SLC35F4: variants seen among roughly 807,000 people sequenced by gnomAD.
The protein encoded by SLC35F4 is chromosome 14 open reading frame 36.
Under a neutral mutation model 44.2 loss-of-function variants are expected in SLC35F4, and 24 were observed. The observed-to-expected ratio is 0.54, with a 90% CI of 0.39 to 0.76. The LOEUF is 0.76. SLC35F4 is among the 30% of genes least tolerant of loss of function. The probability of loss-of-function intolerance (pLI) is 0.00; values close to 1 mark genes in which losing one functional copy is unlikely to be tolerated. For missense variants in SLC35F4, 562 were observed against 586.1 expected (o/e 0.96, Z 0.42); for synonymous variants, 238 against 223.6 (o/e 1.06, Z -0.57).
chr14:57,600,159 TTGA>T (rs1369561508), intron 1 of SLC35F4, among the ~76,000 whole-genome samples: 1 of 152,214 alleles, frequency 6.6e-6, no homozygotes, highest in East Asian at 1.9e-4. Flanking sequence ...TTATGATTGA[TTGA>T]TAATTCTTCC....
At chr14:57,775,271 C>G (rs942606110) in intron 1 of SLC35F4, among the ~76,000 whole-genome samples, 10 of 152,216 alleles carry the variant, frequency 6.6e-5, no homozygotes, top group Non-Finnish European at 1.3e-4. Context: ...CCACTAGCAC[C>G]CTGCTGCAGC....
intron 1 of SLC35F4, among the ~76,000 whole-genome samples, chr14:57,936,713 A>G (rs1566504975): frequency 7.2e-6 from 1 of 138,198 alleles, no homozygotes; most frequent in Non-Finnish European, 1.5e-5. Context: ...AGTCTGCACT[A>G]GACTCAGTAT....
chr14:57,844,280 A>AG (rs1885783699), intron 1 of SLC35F4, among the ~76,000 whole-genome samples: 1 of 152,202 alleles, frequency 6.6e-6, no homozygotes. Flanking sequence ...ATGAAGCATC[A>AG]GGGCAATCAC....
chr14:57,667,548 A>T (rs7156371), intron 1 of SLC35F4, among the ~76,000 whole-genome samples: 93,724 of 146,420 alleles, frequency 0.64, 30,159 homozygotes, highest in African/African-American at 0.74. Context: ...CATGTTCTCA[A>T]TGTTCAATTC....
chr14:57,624,284 G>A (rs371931773), intron 1 of SLC35F4, among the ~76,000 whole-genome samples: 75 of 152,262 alleles, frequency 4.9e-4, no homozygotes, highest in African/African-American at 1.7e-3. Context: ...CCAATAACAA[G>A]TTCTGAAATT....
chr14:57,883,713 T>C lies in SLC35F4; in HGVS notation n.282+98200A>G, dbSNP rs550321619. Among the ~76,000 whole-genome samples, 222 of 152,320 alleles carry C rather than the reference T, an allele frequency of 1.5e-3. 1 individual carries two copies. The highest frequency in any genetic ancestry group is 0.014 in the Middle Eastern group (4 of 294). ...TGTCCTTGGGTGGGGCCTCATCATC[T>C]TGAATCTTCTCTGATAATTCTAATG... On this transcript the variant is annotated intron_variant and non_coding_transcript_variant, in intron 1 of 1. Coordinates refer to the SLC35F4 transcript ENST00000556568.
chr14:57,653,753 T>C (rs983813162), intron 1 of SLC35F4, among the ~76,000 whole-genome samples: 2 of 152,176 alleles, frequency 1.3e-5, no homozygotes, highest in African/African-American at 4.8e-5. Context: ...GGCCGCCTTA[T>C]CAGGGCTGGA....
intron 1 of SLC35F4, among the ~76,000 whole-genome samples, chr14:57,619,680 G>A (rs1487667616): frequency 9.2e-5 from 14 of 152,054 alleles, no homozygotes; most frequent in Admixed American, 5.9e-4. Context: ...AAAACTGAAC[G>A]TAGAATGAGT....
chr14:57,726,976 G>A (rs369113221), intron 1 of SLC35F4, among the ~76,000 whole-genome samples: 65 of 152,144 alleles, frequency 4.3e-4, no homozygotes, highest in African/African-American at 1.0e-3. Context: ...TCTTTCTCCC[G>A]TGCTGGATGC....
Position 57,569,988 on chromosome 14 carries a change from G to A in SLC35F4, c.934-8C>T. 1 of 1,590,586 alleles carries A rather than the reference G, an allele frequency of 6.3e-7. No individual in the cohort carries two copies. Among genetic ancestry groups the A allele is most frequent in the Non-Finnish European group, 8.5e-7 (1 of 1,170,912 alleles). On this transcript the variant is annotated splice_region_variant and splice_polypyrimidine_tract_variant and intron_variant, in intron 5 of 7. Coordinates refer to ENST00000556826, the MANE Select transcript of SLC35F4 (RefSeq NM_001306087.2). ...AAACATTTTAAACAAGACCTGGAAT[G>A]AGAAAGAAACTCTACAGCCACACAG...
At chr14:57,782,522 T>C (rs1198540281) in intron 1 of SLC35F4, among the ~76,000 whole-genome samples, 1 of 152,180 alleles carries the variant, frequency 6.6e-6, no homozygotes, top group Non-Finnish European at 1.5e-5. Context: ...ACAGAGACCA[T>C]ACATGGTGGT....
At chr14:57,844,304 T>C (rs544122402) in intron 1 of SLC35F4, among the ~76,000 whole-genome samples, 2 of 152,226 alleles carry the variant, frequency 1.3e-5, no homozygotes, top group South Asian at 4.1e-4. Flanking sequence ...TGCATTTCCA[T>C]GTGATAGAGG....
At chr14:57,881,936 G>A (rs1257035256) in intron 1 of SLC35F4, among the ~76,000 whole-genome samples, 1 of 152,134 alleles carries the variant, frequency 6.6e-6, no homozygotes, top group African/African-American at 2.4e-5. Context: ...ACAGCATCTG[G>A]GCATATGTAA....
intron 1 of SLC35F4, among the ~76,000 whole-genome samples, chr14:57,920,780 T>C (rs1404316938): frequency 6.6e-6 from 1 of 152,196 alleles, no homozygotes; most frequent in Non-Finnish European, 1.5e-5. Flanking sequence ...CTATAACCCC[T>C]AATGGGACAC....
chr14:57,920,078 C>T (rs903174138), intron 1 of SLC35F4, among the ~76,000 whole-genome samples: 8 of 152,120 alleles, frequency 5.3e-5, no homozygotes, highest in Non-Finnish European at 7.4e-5. Flanking sequence ...AATATATGCA[C>T]GTTGTTTCCT....
chr14:57,590,346 T>C (rs371200110), intron 2 of SLC35F4, among the ~76,000 whole-genome samples: 1 of 151,956 alleles, frequency 6.6e-6, no homozygotes, highest in Admixed American at 6.6e-5. Context: ...TGAGCAATGA[T>C]TGTACCACTG....
At chr14:57,795,887 A>G (rs1315911053) in intron 1 of SLC35F4, among the ~76,000 whole-genome samples, 1 of 152,088 alleles carries the variant, frequency 6.6e-6, no homozygotes, top group Non-Finnish European at 1.5e-5. Context: ...TGTACAAATT[A>G]TTTCAGCACT....
Position 57,628,728 on chromosome 14 carries a change from C to T in SLC35F4, c.104-34604G>A, listed in dbSNP as rs147973821. 1.4e-3 allele frequency among the ~76,000 whole-genome samples: 209 copies of T among 152,146 alleles called. 2 individuals carry two copies. Among genetic ancestry groups the T allele is most frequent in the African/African-American group, 2.9e-3 (119 of 41,518 alleles). On this transcript the variant is annotated intron_variant, in intron 1 of 7. Transcript: ENST00000556826. ...TGAAATGTTAGCAAAGTCAAAGACA[C>T]GAAACCTCTTAAACACAATAATAAG...
intron 4 of SLC35F4, among the ~76,000 whole-genome samples, chr14:57,578,292 T>C (rs1015798834): frequency 6.9e-6 from 1 of 144,714 alleles, no homozygotes; most frequent in African/African-American, 2.5e-5. Context: ...AAATATAAAT[T>C]TTAATCTGAT....
Sources: gnomAD v4.1 joint callset for allele counts (sites outside exome capture counted in the v4.1 genomes callset) on GRCh38, gnomAD v4.1.1 for gene constraint, MANE v1.5 for transcripts, NCBI Gene and HGNC (gene_info 2026-07-23, HGNC 2026-07-21) for gene names.